NDUFAF6: variants seen among roughly 807,000 people sequenced by gnomAD.
NDUFAF6 encodes NADH:ubiquinone oxidoreductase complex assembly factor 6.
In NDUFAF6, 45 loss-of-function variants were observed where a neutral mutation model predicts 40.8. The observed-to-expected ratio is 1.10, with a 90% CI of 0.87 to 1.42. NDUFAF6 has a LOEUF of 1.42. Ranked by LOEUF, NDUFAF6 falls within the 40% of genes most tolerant of loss-of-function variation. NDUFAF6 has a pLI of 0.00. For synonymous variants in NDUFAF6, 185 were observed against 155.9 expected, an observed-to-expected ratio of 1.19 and a Z score of -1.39; for missense variants, 435 against 418.5, an observed-to-expected ratio of 1.04 and a Z score of -0.34.
chr8:95,024,631 G>A (rs1179191370), upstream of NDUFAF6, among the ~76,000 whole-genome samples: 1 of 152,270 alleles, frequency 6.6e-6, no homozygotes, highest in Non-Finnish European at 1.5e-5. Context: ...TTGAGAAACA[G>A]TGCAAGGTGT....
At chr8:95,095,906 C>A (rs1293552251), upstream of NDUFAF6, among the ~76,000 whole-genome samples, 1 of 152,162 alleles carries the variant, frequency 6.6e-6, no homozygotes, top group Non-Finnish European at 1.5e-5. Flanking sequence ...CTCAAGCGAT[C>A]CGCCTGTCTC....
intron 2 of NDUFAF6, among the ~76,000 whole-genome samples, chr8:95,014,736 C>T (rs1201054496): frequency 6.6e-6 from 1 of 152,168 alleles, no homozygotes; most frequent in Non-Finnish European, 1.5e-5. Flanking sequence ...TCTATGAATA[C>T]TTTAGGCACA....
intron 2 of NDUFAF6, among the ~76,000 whole-genome samples, chr8:94,987,878 G>C (rs2131609029): frequency 6.6e-6 from 1 of 152,236 alleles, no homozygotes; most frequent in East Asian, 1.9e-4. Flanking sequence ...CAATGCTTCT[G>C]GGTTAATTTA....
chr8:94,970,140 A>G (rs1305703862), intron 1 of NDUFAF6, among the ~76,000 whole-genome samples: 2 of 151,536 alleles, frequency 1.3e-5, no homozygotes, highest in Non-Finnish European at 2.9e-5. Flanking sequence ...CTGTAGTCCC[A>G]GCTACTTGGG....
At chr8:94,987,182 C>T (rs753329690) in intron 2 of NDUFAF6, among the ~76,000 whole-genome samples, 2 of 152,106 alleles carry the variant, frequency 1.3e-5, no homozygotes, top group Non-Finnish European at 2.9e-5. Context: ...TAGAATATCC[C>T]CAGAGACAGT....
chr8:95,003,728 G>A (rs1458248348), intron 2 of NDUFAF6, among the ~76,000 whole-genome samples: 2 of 151,750 alleles, frequency 1.3e-5, no homozygotes, highest in Non-Finnish European at 2.9e-5. Flanking sequence ...CTTTTCCCTG[G>A]GCTTCCTCAA....
rs182931328 is a variant in NDUFAF6, at chr8:95,055,530, A to G, written c.874-2279A>G. Among the ~76,000 whole-genome samples, 386 of 152,294 alleles carry G rather than the reference A, an allele frequency of 2.5e-3. 4 individuals are homozygous for G. The highest frequency in any genetic ancestry group is 8.8e-3 in the African/African-American group (365 of 41,574). On this transcript the variant is annotated intron_variant, in intron 8 of 8. Transcript: ENST00000396124. ...TGTCTATACCTTAATTTTGTTAACTATTCCTTATAATTAAATGTCATAAAG... is the reference window on the plus strand; with the variant it reads ...TGTCTATACCTTAATTTTGTTAACTGTTCCTTATAATTAAATGTCATAAAG...
At chr8:95,060,967 C>T (rs1313951031), downstream of NDUFAF6, among the ~76,000 whole-genome samples, 4 of 152,010 alleles carry the variant, frequency 2.6e-5, no homozygotes, top group Non-Finnish European at 4.4e-5. Flanking sequence ...GATGCTTCAC[C>T]GGCTTGGCAG....
rs564644373 is a variant in NDUFAF6 at position 94,931,395 on chromosome 8, A to AT, written c.-935-14087dup. 3.6e-3 allele frequency among the ~76,000 whole-genome samples: 543 copies of AT among 152,116 alleles called. 2 individuals are homozygous for AT. The highest frequency in any genetic ancestry group is 6.3e-3 in the Non-Finnish European group (428 of 67,976). On this transcript the variant is annotated intron_variant, in intron 1 of 14. Coordinates refer to the NDUFAF6 transcript ENST00000396113. Reference sequence around the variant, plus strand: ...TTACATGGCAATATAAGACTCTTGAATAACACAATCTTAAAATTGGCTACA... The same window carrying AT: ...TTACATGGCAATATAAGACTCTTGAATTAACACAATCTTAAAATTGGCTACA...
rs1402601319 is a variant in NDUFAF6, at chr8:95,091,518, G to A, written n.214-9614G>A. ...GACACAGAGTCTAACCATATCACCC[G>A]CCATGGCTGAACTCTATTTGATGTT... On this transcript the variant is annotated intron_variant and non_coding_transcript_variant, in intron 2 of 5. Transcript: ENST00000523184. Among the ~76,000 whole-genome samples the A allele has an allele frequency of 4.6e-5, 7 of 151,906 alleles. No homozygotes were observed. The South Asian group carries it at 6.2e-4, about 13-fold the overall frequency.
chr8:94,931,010 C>T (rs1026265240), intron 1 of NDUFAF6, among the ~76,000 whole-genome samples: 23 of 152,168 alleles, frequency 1.5e-4, no homozygotes, highest in African/African-American at 5.3e-4. Flanking sequence ...ATTTCATTTA[C>T]GGAGCACACA....
chr8:95,031,155 T>C (rs1828786831), intron 1 of NDUFAF6, among the ~76,000 whole-genome samples: 1 of 152,186 alleles, frequency 6.6e-6, no homozygotes, highest in Admixed American at 6.5e-5. Flanking sequence ...AGAGCCCTAG[T>C]TTCTTTCAGT....
At chr8:94,918,659 CT>C (rs1238911942) in intron 1 of NDUFAF6, among the ~76,000 whole-genome samples, 2 of 152,186 alleles carry the variant, frequency 1.3e-5, no homozygotes. Context: ...CCAGAGTGTT[CT>C]GTTTGTATCC....
chr8:94,906,564 T>C (rs549161953), intron 1 of NDUFAF6, among the ~76,000 whole-genome samples: 3 of 152,288 alleles, frequency 2.0e-5, no homozygotes, highest in African/African-American at 7.2e-5. Context: ...TCCCTCCACG[T>C]GAGCTAGCCA....
chr8:95,097,877 C>T (rs1333433659), upstream of NDUFAF6, among the ~76,000 whole-genome samples: 1 of 152,202 alleles, frequency 6.6e-6, no homozygotes, highest in Non-Finnish European at 1.5e-5. Context: ...CTTGCAAATT[C>T]CTCATCTGTG....
downstream of NDUFAF6, among the ~76,000 whole-genome samples, chr8:95,105,213 A>G (rs1449080710): frequency 6.6e-6 from 1 of 152,136 alleles, no homozygotes; most frequent in Non-Finnish European, 1.5e-5. Flanking sequence ...CCTTTTTCTA[A>G]GGAATAAATA....
At chr8:95,039,307 G>A (rs1041552716) in intron 3 of NDUFAF6, among the ~76,000 whole-genome samples, 1 of 151,958 alleles carries the variant, frequency 6.6e-6, no homozygotes, top group Non-Finnish European at 1.5e-5. Flanking sequence ...ACAAAAATTA[G>A]CCGGGCGTAG....
At chr8:94,960,150 A>G (rs919428224) in intron 1 of NDUFAF6, among the ~76,000 whole-genome samples, 8 of 152,160 alleles carry the variant, frequency 5.3e-5, no homozygotes, top group African/African-American at 1.4e-4. Flanking sequence ...CCTTAAAAAC[A>G]CTTCCTTCTT....
chr8:94,915,302 T>C (rs758443611), intron 1 of NDUFAF6, among the ~76,000 whole-genome samples: 6 of 152,188 alleles, frequency 3.9e-5, no homozygotes, highest in Non-Finnish European at 8.8e-5. Context: ...CTCTCACTTA[T>C]GAGTGAGAAC....
Sources: gnomAD v4.1 joint callset for allele counts (sites outside exome capture counted in the v4.1 genomes callset) on GRCh38, gnomAD v4.1.1 for gene constraint, MANE v1.5 for transcripts, NCBI Gene and HGNC (gene_info 2026-07-23, HGNC 2026-07-21) for gene names.